Variants in HS3ST6 observed in about 807,000 individuals in gnomAD.
HS3ST6 encodes heparan sulfate-glucosamine 3-sulfotransferase 6, also known as heparan sulfate glucosamine 3-O-sulfotransferase 6.
A neutral mutation model predicts 11.0 loss-of-function variants in HS3ST6; 13 were observed. The observed-to-expected ratio is 1.18, with a 90% confidence interval of 0.77 to 1.88. The LOEUF (loss-of-function observed/expected upper bound fraction) is 1.88, where lower values mean the gene tolerates loss of function less well. HS3ST6 is among the 40% of genes most tolerant of loss of function. HS3ST6 has a pLI of 0.00. For synonymous variants in HS3ST6, 232 were observed against 230.6 expected (o/e 1.01, Z -0.06); for missense variants, 541 against 494.4 (o/e 1.09, Z -0.89).
At chr16:1,913,127 T>G (rs1217883340) in intron 1 of HS3ST6, among the ~76,000 whole-genome samples, 1 of 152,184 alleles carries the variant, frequency 6.6e-6, no homozygotes, top group Non-Finnish European at 1.5e-5. Context: ...CTGTGAATTC[T>G]CATCAGCCTG....
chr16:1,916,711 A>C (rs2082928819), intron 1 of HS3ST6, among the ~76,000 whole-genome samples: 2 of 151,472 alleles, frequency 1.3e-5, no homozygotes, highest in South Asian at 2.1e-4. Flanking sequence ...GTGCATCCTT[A>C]ACCCAAAGCC....
chr16:1,918,624 G>A (rs2082944070), upstream of HS3ST6, among the ~76,000 whole-genome samples: 2 of 152,126 alleles, frequency 1.3e-5, no homozygotes, highest in South Asian at 4.1e-4. This position sits in a 1 kb window ranked among gnomAD's most constrained non-coding sequence, Gnocchi z 6.0. Context: ...CCCAGGCCCT[G>A]GCTCGCTTGA....
chr16:1,911,966 G>A lies in HS3ST6; in HGVS notation c.653C>T (p.Thr218Ile). ...GCCGATGCGGACGGCGCTCCAGGCT[G>A]TGTCCACGGGGCCCAGGCCGTGGCG... ...AFRHGLGPVD[T>I]AWSAVRIGLY... Residue 218 changes from threonine to isoleucine, a missense_variant, in exon 2 of 2, where the codon ACA becomes ATA. Physicochemically the swap from Thr to Ile is moderately conservative, Grantham distance 89 (BLOSUM62 -1). Coordinates refer to ENST00000454677, the MANE Select transcript of HS3ST6 (RefSeq NM_001009606.4). The A allele has an allele frequency of 6.4e-7, 1 of 1,561,054 alleles. No homozygotes were observed. The highest frequency in any genetic ancestry group is 1.4e-5 in the African/African-American group (1 of 73,632).
chr16:1,920,265 A>G (rs77521554), upstream of HS3ST6, among the ~76,000 whole-genome samples: 1 of 37,818 alleles, frequency 2.6e-5, no homozygotes, highest in Non-Finnish European at 5.0e-5. Context: ...CGGTCTCAGC[A>G]GTCCCCACGG....
rs556012453 is a variant in HS3ST6, at chr16:1,916,264, G to A, written c.413+1647C>T. On this transcript the variant is annotated intron_variant, in intron 1 of 1. Coordinates refer to ENST00000454677, the MANE Select transcript of HS3ST6 (RefSeq NM_001009606.4). ...TGAGGGGTCAGCACAGTTGGTCCAA[G>A]GGACAATACCAGATTAATGAGGCAG... Among the ~76,000 whole-genome samples, 3 of 92,288 alleles carry A rather than the reference G, an allele frequency of 3.3e-5. No homozygotes were observed. The South Asian group carries it at 1.3e-3, about 41-fold the overall frequency. 60.5% of individuals were successfully genotyped at this position (92,288 alleles called of 152,430 possible). A position where few individuals can be genotyped will look rare whatever the true frequency, so the allele number is the denominator to read the frequency against.
chr16:1,918,675 G>A (rs1021710240), upstream of HS3ST6, among the ~76,000 whole-genome samples: 22 of 152,016 alleles, frequency 1.4e-4, no homozygotes, highest in African/African-American at 5.1e-4. This position sits in a 1 kb window ranked among gnomAD's most constrained non-coding sequence, Gnocchi z 6.0. Flanking sequence ...ATGCGGCGGC[G>A]GTGGCCGTTC....
chr16:1,911,480 G>A lies in HS3ST6; in HGVS notation c.*110C>T. 2.3e-6 allele frequency: 3 copies of A among 1,322,080 alleles called. No homozygotes were observed. The highest frequency in any genetic ancestry group is 3.0e-6 in the Non-Finnish European group (3 of 997,680). 81.9% of individuals were successfully genotyped at this position (1,322,080 alleles called of 1,614,324 possible). A position where few individuals can be genotyped will look rare whatever the true frequency, so the allele number is the denominator to read the frequency against. ...CCTCGAGGTTTGTGGAAAAATCTGG[G>A]TCCAAGCTTTATTTCTTAAATATTC... On this transcript the variant is annotated 3_prime_UTR_variant, in exon 2 of 2. Coordinates refer to ENST00000454677, the MANE Select transcript of HS3ST6 (RefSeq NM_001009606.4).
At chr16:1,915,876 GCC>G (rs2150845480) in intron 1 of HS3ST6, among the ~76,000 whole-genome samples, 1 of 151,546 alleles carries the variant, frequency 6.6e-6, no homozygotes, top group African/African-American at 2.4e-5. Context: ...CCACAGGAAG[GCC>G]GGGTCACCGC....
At chr16:1,918,531 C>T (rs1038674285), upstream of HS3ST6, 5 of 150,296 alleles carry the variant, frequency 3.3e-5, no homozygotes, top group African/African-American at 1.2e-4. The surrounding 1 kb of genome is among the most constrained non-coding windows in gnomAD (Gnocchi z 6.0). Context: ...GAGGCCACTG[C>T]CTGGGCTGGA....
upstream of HS3ST6, among the ~76,000 whole-genome samples, chr16:1,919,680 G>C (rs758603639): frequency 6.6e-6 from 1 of 152,244 alleles, no homozygotes; most frequent in Non-Finnish European, 1.5e-5. Flanking sequence ...TGCCTCAAGG[G>C]GCCGAAGGCC....
At chr16:1,915,079 C>T (rs1290651308) in intron 1 of HS3ST6, among the ~76,000 whole-genome samples, 1 of 152,100 alleles carries the variant, frequency 6.6e-6, no homozygotes, top group African/African-American at 2.4e-5. Flanking sequence ...GCCTGGGACT[C>T]GCAGATGCCA....
rs767463038 is a variant in HS3ST6, at chr16:1,912,139, C to T, written c.480G>A (p.Thr160=). 1.1e-5 allele frequency: 17 copies of T among 1,491,864 alleles called. No homozygotes were observed. The South Asian group carries it at 1.4e-4, about 12-fold the overall frequency. The allele number at this position is 1,491,864 out of a possible 1,614,324, so 92.4% of individuals were successfully genotyped here. Residue 160 remains threonine (T), a synonymous_variant, in exon 2 of 2, where the codon ACG becomes ACA. Coordinates refer to ENST00000454677, the MANE Select transcript of HS3ST6 (RefSeq NM_001009606.4). This position sits in a 1 kb window ranked among gnomAD's most constrained non-coding sequence, Gnocchi z 5.6. ...CGTGGATGCGGCGGGGGGCCTCTCG[C>T]GTCACGAAGTAGCTGGGGGTCTTCT... is the stretch of plus-strand genomic sequence containing the variant. ...TMEKTPSYFV[T]REAPRRIHAM...
chr16:1,918,031 A>C lies in HS3ST6; in HGVS notation c.293T>G (p.Val98Gly). Residue 98 changes from valine to glycine, a missense_variant, in exon 1 of 2, where the codon GTG (valine) becomes GGG (glycine). Transcript: ENST00000454677. The surrounding 1 kb of genome is among the most constrained non-coding windows in gnomAD (Gnocchi z 6.0). Reference protein sequence around the residue: ...RRFPQALIVGVKKGGTRALLE... With the variant: ...RRFPQALIVGGKKGGTRALLE... ...CAGGGCGCGCGTGCCGCCCTTCTTC[A>C]CGCCAACGATGAGCGCTTGCGGGAA... 6.5e-7 allele frequency: 1 copy of C among 1,529,446 alleles called. No homozygotes were observed. The highest frequency in any genetic ancestry group is 8.7e-7 in the Non-Finnish European group (1 of 1,145,982). The allele number at this position is 1,529,446 out of a possible 1,614,324, so 94.7% of individuals were successfully genotyped here.
upstream of HS3ST6, among the ~76,000 whole-genome samples, chr16:1,919,453 C>T (rs1242764650): frequency 2.0e-5 from 3 of 152,220 alleles, no homozygotes; most frequent in Non-Finnish European, 4.4e-5. Context: ...CAACTTGCCC[C>T]ATCCGAAGGC....
upstream of HS3ST6, among the ~76,000 whole-genome samples, chr16:1,919,271 G>A (rs1415749478): frequency 2.6e-5 from 4 of 152,196 alleles, no homozygotes; most frequent in Non-Finnish European, 1.5e-5. Context: ...CTGGGGAAGA[G>A]AAGGAGCCCA....
chr16:1,916,276 G>GAATATTGTCTGGT (rs1567299348), intron 1 of HS3ST6, among the ~76,000 whole-genome samples: 1 of 120,182 alleles, frequency 8.3e-6, no homozygotes, highest in African/African-American at 3.1e-5. Context: ...GACAATACCA[G>GAATATTGTCTGGT]ATTAATGAGG....
intron 1 of HS3ST6, among the ~76,000 whole-genome samples, chr16:1,913,888 G>A (rs1381309812): frequency 6.6e-6 from 1 of 152,134 alleles, no homozygotes. Flanking sequence ...CAGCGGGAGA[G>A]AATCCAGGCT....
At chr16:1,915,307 C>G (rs2082918513) in intron 1 of HS3ST6, among the ~76,000 whole-genome samples, 1 of 152,176 alleles carries the variant, frequency 6.6e-6, no homozygotes, top group Non-Finnish European at 1.5e-5. Context: ...CTCCAGCTGA[C>G]TCTTGTCGCC....
At position 1,911,945 on chromosome 16, in the gene HS3ST6, A is replaced by T; in HGVS notation, c.674T>A (p.Ile225Asn). ...PVDTAWSAVRIGLYAQHLDHW... is the reference protein window; with the variant it reads ...PVDTAWSAVRNGLYAQHLDHW... ...GTCCAGGTGCTGGGCGTACAGGCCG[A>T]TGCGGACGGCGCTCCAGGCTGTGTC... The change falls in exon 2 of 2, where the codon ATC (isoleucine) becomes AAC (asparagine). Residue 225 changes from isoleucine to asparagine, a missense_variant. By Grantham distance (149) the Ile-to-Asn change is moderately radical. Transcript: ENST00000454677. 6.3e-7 allele frequency: 1 copy of T among 1,585,662 alleles called. No individual in the cohort carries two copies. The highest frequency in any genetic ancestry group is 8.6e-7 in the Non-Finnish European group (1 of 1,164,716).
Sources: allele counts gnomAD v4.1 joint callset (sites outside exome capture counted in the v4.1 genomes callset), GRCh38; gene constraint gnomAD v4.1.1; non-coding constraint Gnocchi (gnomAD v3.1); transcripts MANE v1.5; gene names NCBI Gene and HGNC (gene_info 2026-07-23, HGNC 2026-07-21).